Variants in DISP1 observed in about 807,000 individuals in gnomAD.
DISP1 encodes the protein protein dispatched homolog 1.
Under a neutral mutation model 37.3 loss-of-function variants are expected in DISP1, and 30 were observed. The observed-to-expected ratio is 0.80, with a 90% confidence interval of 0.60 to 1.09. The LOEUF (loss-of-function observed/expected upper bound fraction) is 1.09, where lower values mean the gene tolerates loss of function less well. DISP1 is among the 50% of genes least tolerant of loss of function. The pLI is 0.00. For synonymous variants in DISP1, 634 were observed against 690.2 expected (o/e 0.92, Z 1.28); for missense variants, 1,598 against 1,879.5 (o/e 0.85, Z 2.77).
At chr1:222,851,991 C>T (rs943217739) in intron 1 of DISP1, among the ~76,000 whole-genome samples, 36 of 152,154 alleles carry the variant, frequency 2.4e-4, no homozygotes, top group African/African-American at 7.7e-4. Context: ...TCGAGACCAG[C>T]CTGACCAACA....
At chr1:222,906,957 G>T (rs1240665196) in intron 1 of DISP1, among the ~76,000 whole-genome samples, 1 of 152,138 alleles carries the variant, frequency 6.6e-6, no homozygotes, top group African/African-American at 2.4e-5. Context: ...GTTGATTTAA[G>T]GTTAATCATG....
rs1192385594 is a variant in DISP1, at chr1:223,004,697, C to T, written c.3300C>T (p.Ser1100=). Residue 1100 remains serine (S), a synonymous_variant, in exon 9 of 9, where the codon TCC becomes TCT. Transcript: ENST00000675850. The surrounding 1 kb of genome is among the most constrained non-coding windows in gnomAD (Gnocchi z 4.9). ...TFVAGAMMMP[S]TVLAYTQLGT... ...TGGCAGGGGCCATGATGATGCCCTCCACAGTTCTAGCTTACACCCAGCTGG... is the reference window on the plus strand; with the variant it reads ...TGGCAGGGGCCATGATGATGCCCTCTACAGTTCTAGCTTACACCCAGCTGG... 1.9e-6 allele frequency: 3 copies of T among 1,613,952 alleles called. No homozygotes were observed. Among genetic ancestry groups the T allele is most frequent in the Non-Finnish European group, 2.5e-6 (3 of 1,180,034 alleles).
intron 8 of DISP1, among the ~76,000 whole-genome samples, chr1:223,000,515 A>G (rs957107998): frequency 3.9e-5 from 6 of 152,242 alleles, no homozygotes; most frequent in Non-Finnish European, 8.8e-5. Flanking sequence ...GTACATTTGA[A>G]CAAAAACCTT....
At chr1:222,900,808 C>G (rs1441891778) in intron 1 of DISP1, among the ~76,000 whole-genome samples, 1 of 152,156 alleles carries the variant, frequency 6.6e-6, no homozygotes, top group Non-Finnish European at 1.5e-5. Flanking sequence ...AATATATGAA[C>G]AGAGTGATGA....
At chr1:222,878,663 C>G (rs1284649577) in intron 1 of DISP1, among the ~76,000 whole-genome samples, 1 of 152,112 alleles carries the variant, frequency 6.6e-6, no homozygotes, top group African/African-American at 2.4e-5. Flanking sequence ...AAAATATTCT[C>G]AATATAGGTG....
At chr1:222,976,281 A>T (rs1203868489) in intron 3 of DISP1, among the ~76,000 whole-genome samples, 2 of 152,150 alleles carry the variant, frequency 1.3e-5, no homozygotes, top group African/African-American at 2.4e-5. Context: ...TATTAAAAGT[A>T]GCAAATCCAA....
intron 1 of DISP1, among the ~76,000 whole-genome samples, chr1:222,850,265 T>G (rs905592173): frequency 2.6e-5 from 4 of 152,186 alleles, no homozygotes; most frequent in African/African-American, 9.7e-5. Flanking sequence ...CCCTCTTGAT[T>G]ATGATTATTA....
chr1:222,960,685 G>C (rs1675988600), intron 3 of DISP1, among the ~76,000 whole-genome samples: 1 of 151,750 alleles, frequency 6.6e-6, no homozygotes, highest in African/African-American at 2.4e-5. Context: ...TCCAGGAGCT[G>C]GTTTTTTTTT....
intron 7 of DISP1, among the ~76,000 whole-genome samples, chr1:222,992,878 T>TTTTTTTTTTTTA (rs1678803004): frequency 1.3e-5 from 2 of 149,574 alleles, no homozygotes; most frequent in South Asian, 2.2e-4. Flanking sequence ...TTTTTTTTTT[T>TTTTTTTTTTTTA]GAGACAGAGT....
At chr1:222,969,289 G>A (rs1676743182) in intron 3 of DISP1, among the ~76,000 whole-genome samples, 1 of 142,530 alleles carries the variant, frequency 7.0e-6, no homozygotes, top group African/African-American at 2.6e-5. Context: ...AGAATCACTT[G>A]AGTCTAGGAG....
At chr1:222,986,341 T>G (rs757445416) in intron 4 of DISP1, among the ~76,000 whole-genome samples, 3 of 152,210 alleles carry the variant, frequency 2.0e-5, no homozygotes, top group Non-Finnish European at 4.4e-5. Context: ...GGAAAATTTA[T>G]TATGGGGGAA....
At chr1:222,825,261 C>T in intron 1 of DISP1, among the ~76,000 whole-genome samples, 1 of 152,170 alleles carries the variant, frequency 6.6e-6, no homozygotes, top group East Asian at 1.9e-4. Context: ...GTTACTTTCC[C>T]AGAAACTGCC....
At position 222,839,540 on chromosome 1, in the gene DISP1, G is replaced by A. The variant is rs1667461652; in HGVS notation, c.-159+24462G>A. 7.2e-5 allele frequency among the ~76,000 whole-genome samples: 11 copies of A among 152,298 alleles called. No homozygotes were observed. The South Asian group carries it at 2.3e-3, about 32-fold the overall frequency. On this transcript the variant is annotated intron_variant, in intron 1 of 8. Transcript: ENST00000675850. The stretch of plus-strand genomic sequence containing the variant: ...GTTAAACAAAGGAAGAGAACTGAGA[G>A]GTAGGGAGTGATCTCACTGCTTAGT...
At chr1:222,961,289 T>G (rs1676039153) in intron 3 of DISP1, among the ~76,000 whole-genome samples, 1 of 152,328 alleles carries the variant, frequency 6.6e-6, no homozygotes, top group South Asian at 2.1e-4. Context: ...GTCAGCTTCA[T>G]ACCCAGGATG....
At chr1:222,843,983 C>G (rs534149560) in intron 1 of DISP1, among the ~76,000 whole-genome samples, 74 of 152,216 alleles carry the variant, frequency 4.9e-4, no homozygotes, top group African/African-American at 1.7e-3. Flanking sequence ...CATGGAATTA[C>G]GATAGTCCTT....
At chr1:222,914,774 A>G (rs1264772546) in intron 1 of DISP1, among the ~76,000 whole-genome samples, 1 of 152,180 alleles carries the variant, frequency 6.6e-6, no homozygotes, top group East Asian at 1.9e-4. Flanking sequence ...AGCCTGGGCA[A>G]CACAGCATGA....
intron 3 of DISP1, among the ~76,000 whole-genome samples, chr1:222,962,302 A>G (rs1676129624): frequency 6.6e-6 from 1 of 152,230 alleles, no homozygotes; most frequent in Non-Finnish European, 1.5e-5. Flanking sequence ...AGGGAAAAAC[A>G]TTCCATGCTC....
chr1:222,929,251 T>C (rs1673249804), intron 2 of DISP1, among the ~76,000 whole-genome samples: 1 of 152,152 alleles, frequency 6.6e-6, no homozygotes, highest in African/African-American at 2.4e-5. Context: ...AAAAGTACAA[T>C]TCAAAATATA....
At chr1:222,871,729 G>C (rs1459871474) in intron 1 of DISP1, among the ~76,000 whole-genome samples, 1 of 152,208 alleles carries the variant, frequency 6.6e-6, no homozygotes, top group Non-Finnish European at 1.5e-5. Flanking sequence ...CATGTCATCT[G>C]CAAACAGGGA....
Sources: gnomAD v4.1 joint callset for allele counts (sites outside exome capture counted in the v4.1 genomes callset) on GRCh38, gnomAD v4.1.1 for gene constraint, Gnocchi (gnomAD v3.1) non-coding constraint, MANE v1.5 for transcripts, NCBI Gene and HGNC (gene_info 2026-07-23, HGNC 2026-07-21) for gene names.